The following PPP1R13B variants were observed in gnomAD, a reference collection of about 807,000 sequenced individuals.
PPP1R13B encodes the protein apoptosis-stimulating of p53 protein 1.
Under a neutral mutation model 119.8 loss-of-function variants are expected in PPP1R13B, and 44 were observed. The observed-to-expected ratio is 0.37, with a 90% CI of 0.29 to 0.47. The LOEUF (loss-of-function observed/expected upper bound fraction) is 0.47, where lower values mean the gene tolerates loss of function less well. Ranked by LOEUF, PPP1R13B falls within the 20% of genes least tolerant of loss-of-function variation. The probability of loss-of-function intolerance (pLI) is 0.99; values close to 1 mark genes in which losing one functional copy is unlikely to be tolerated. For missense variants in PPP1R13B, 1,227 were observed against 1,413.5 expected (o/e 0.87, Z 2.12); for synonymous variants, 542 against 561.5 (o/e 0.97, Z 0.49).
At chr14:103,772,209 G>A (rs2085086965) in intron 4 of PPP1R13B, among the ~76,000 whole-genome samples, 1 of 152,192 alleles carries the variant, frequency 6.6e-6, no homozygotes, top group Admixed American at 6.5e-5. Flanking sequence ...TCCACTGTGA[G>A]GATATACCAT....
At chr14:103,768,118 C>CT (rs556309580) in intron 4 of PPP1R13B, among the ~76,000 whole-genome samples, 67,935 of 140,908 alleles carry the variant, frequency 0.48, 17,070 homozygotes, top group African/African-American at 0.66. Flanking sequence ...TGAGTGTCTT[C>CT]TTTTTTTTTT....
At position 103,739,880 on chromosome 14, in the gene PPP1R13B, C is replaced by T. The variant is rs544381155; in HGVS notation, c.2536G>A (p.Glu846Lys). ...PVAEAPSPGEEQVPPAPLPPA... is the reference protein window; with the variant it reads ...PVAEAPSPGEKQVPPAPLPPA... ...GGAAGAGGTGCTGGAGGGACCTGCTCTTCCCCTGGAGATGGGGCCTCAGCC... is the reference window on the plus strand; with the variant it reads ...GGAAGAGGTGCTGGAGGGACCTGCTTTTCCCCTGGAGATGGGGCCTCAGCC... Residue 846 changes from glutamate to lysine, a missense_variant, in exon 12 of 17, where the codon GAG becomes AAG. Transcript: ENST00000202556. 8.1e-6 allele frequency: 13 copies of T among 1,613,856 alleles called. No homozygotes were observed. Among genetic ancestry groups the T allele is most frequent in the Admixed American group, 3.3e-5 (2 of 60,016 alleles).
At chr14:103,782,062 A>T (rs1372749264) in intron 3 of PPP1R13B, among the ~76,000 whole-genome samples, 1 of 152,162 alleles carries the variant, frequency 6.6e-6, no homozygotes, top group Non-Finnish European at 1.5e-5. Context: ...AATCAAAAAG[A>T]ACAAAGAGGT....
In PPP1R13B at chr14:103,830,933, T is replaced by C. The variant is rs561219072; in HGVS notation, c.9+16366A>G. ...TAATGATGTTTTAATATTAACTACA[T>C]ACTCAAGTAATTTTTTTTTTTTTTT... On this transcript the variant is annotated intron_variant, in intron 1 of 16. Coordinates refer to ENST00000202556, the MANE Select transcript of PPP1R13B (RefSeq NM_015316.3). Among the ~76,000 whole-genome samples, 6 of 151,982 alleles carry C rather than the reference T, an allele frequency of 3.9e-5. No individual in the cohort carries two copies. In the East Asian group the frequency reaches 1.2e-3, roughly 29 times the overall value.
At chr14:103,789,237 G>T (rs1437804517) in intron 2 of PPP1R13B, among the ~76,000 whole-genome samples, 2 of 151,982 alleles carry the variant, frequency 1.3e-5, no homozygotes, top group African/African-American at 4.8e-5. Context: ...TTTTTTGGGG[G>T]GGATGGAGTC....
At chr14:103,766,297 C>T (rs1206868315) in intron 4 of PPP1R13B, among the ~76,000 whole-genome samples, 3 of 152,056 alleles carry the variant, frequency 2.0e-5, no homozygotes, top group Admixed American at 6.6e-5. Context: ...CGTCATCCAC[C>T]GTGCCTGGCC....
At chr14:103,757,584 G>C in intron 5 of PPP1R13B, 66 bp downstream of exon 5, 2 of 1,432,286 alleles carry the variant, frequency 1.4e-6, no homozygotes, top group South Asian at 1.2e-5. Flanking sequence ...ATTAACCCCA[G>C]TCTAAAATGA....
intron 4 of PPP1R13B, among the ~76,000 whole-genome samples, chr14:103,770,473 C>A (rs528802684): frequency 6.6e-6 from 1 of 151,966 alleles, no homozygotes; most frequent in Non-Finnish European, 1.5e-5. Flanking sequence ...CGAGATTGTG[C>A]CACTGCACTC....
Position 103,847,569 on chromosome 14 carries a change from A to C in PPP1R13B, c.-262T>G. 1 of 983,076 alleles carries C rather than the reference A, an allele frequency of 1.0e-6. No homozygotes were observed. The highest frequency in any genetic ancestry group is 1.2e-6 in the Non-Finnish European group (1 of 829,940). 60.9% of individuals were successfully genotyped at this position (983,076 alleles called of 1,614,324 possible). On this transcript the variant is annotated 5_prime_UTR_variant, in exon 1 of 17. Coordinates refer to ENST00000202556, the MANE Select transcript of PPP1R13B (RefSeq NM_015316.3). ...CAGCCTCAGCCTCAGCCCCAGCCCG[A>C]CAGCCTGCGGCCCGCCCGCCCGGCT...
chr14:103,793,303 C>T (rs1287935440), intron 2 of PPP1R13B, among the ~76,000 whole-genome samples: 1 of 152,168 alleles, frequency 6.6e-6, no homozygotes, highest in African/African-American at 2.4e-5. Flanking sequence ...CCATAATCCC[C>T]ACATGTCAAG....
At position 103,784,792 on chromosome 14, in the gene PPP1R13B, T is replaced by C. The variant is rs1347738164; in HGVS notation, c.277+3A>G. On this transcript the variant is annotated splice_donor_region_variant and intron_variant, in intron 3 of 16. Transcript: ENST00000202556. ...ACAAATGAGGAAGAAAGCAGTTATC[T>C]ACCTTGTTCACTGTTCTCAGTTGGG... The C allele has an allele frequency of 6.3e-7, 1 of 1,579,278 alleles. No individual in the cohort carries two copies. The highest frequency in any genetic ancestry group is 1.7e-5 in the Admixed American group (1 of 58,106).
At chr14:103,791,100 C>T (rs2085606342) in intron 2 of PPP1R13B, among the ~76,000 whole-genome samples, 1 of 148,098 alleles carries the variant, frequency 6.8e-6, no homozygotes, top group Non-Finnish European at 1.5e-5. Flanking sequence ...ATATAATGCA[C>T]ATTATGCTGC....
intron 3 of PPP1R13B, among the ~76,000 whole-genome samples, chr14:103,780,065 C>T (rs972923045): frequency 1.3e-5 from 2 of 151,984 alleles, no homozygotes; most frequent in Non-Finnish European, 2.9e-5. Flanking sequence ...AGGAGAATTG[C>T]TTGAACCCGG....
At chr14:103,741,700 G>T in intron 11 of PPP1R13B, 90 bp downstream of exon 11, 1 of 1,432,008 alleles carries the variant, frequency 7.0e-7, no homozygotes, top group Non-Finnish European at 9.5e-7. Context: ...AATAGCACGT[G>T]GCCCAAACGT....
chr14:103,750,519 G>A (rs1166028750), intron 7 of PPP1R13B, among the ~76,000 whole-genome samples: 7 of 152,178 alleles, frequency 4.6e-5, no homozygotes, highest in Non-Finnish European at 1.0e-4. Flanking sequence ...TCAACAGGAC[G>A]TAAAATGTAC....
At chr14:103,823,783 G>GT (rs2086468358) in intron 1 of PPP1R13B, among the ~76,000 whole-genome samples, 2 of 151,492 alleles carry the variant, frequency 1.3e-5, no homozygotes, top group African/African-American at 4.9e-5. Flanking sequence ...CAGAAATCCT[G>GT]TTTTTTAAAG....
intron 1 of PPP1R13B, among the ~76,000 whole-genome samples, chr14:103,843,946 C>T (rs1284475090): frequency 4.0e-5 from 5 of 126,410 alleles, no homozygotes; most frequent in African/African-American, 1.3e-4. Context: ...AGCAAGACTC[C>T]GTCTCAAAAA....
At chr14:103,791,118 T>TCTC (rs139917232) in intron 2 of PPP1R13B, among the ~76,000 whole-genome samples, 8 of 144,848 alleles carry the variant, frequency 5.5e-5, no homozygotes, top group South Asian at 2.1e-4. Flanking sequence ...TGCTGACTTT[T>TCTC]TTCTTCTTTT....
intron 1 of PPP1R13B, among the ~76,000 whole-genome samples, chr14:103,809,312 T>A (rs2086092405): frequency 6.6e-6 from 1 of 152,226 alleles, no homozygotes; most frequent in South Asian, 2.1e-4. Context: ...TTCCTGGGAA[T>A]ACAAAATAGA....
Sources: allele counts gnomAD v4.1 joint callset (sites outside exome capture counted in the v4.1 genomes callset), GRCh38; gene constraint gnomAD v4.1.1; transcripts MANE v1.5; gene names NCBI Gene and HGNC (gene_info 2026-07-23, HGNC 2026-07-21).